The following TBC1D19 variants were observed in gnomAD, a reference collection of about 807,000 sequenced individuals.
TBC1D19 encodes the protein TBC1 domain family member 19, also known as TBC1 domain family, member 19.
TBC1D19 carries 60 observed loss-of-function variants against 89.0 expected under a neutral mutation model. That is an observed-to-expected ratio of 0.67 (90% CI 0.55 to 0.84). The LOEUF is 0.84. Among genes scored for constraint, TBC1D19 ranks in the 40% least tolerant of loss-of-function variants. The probability of loss-of-function intolerance (pLI) is 0.00; values close to 1 mark genes in which losing one functional copy is unlikely to be tolerated. For missense variants in TBC1D19, 500 were observed against 610.8 expected, an observed-to-expected ratio of 0.82 and a Z score of 1.91; for synonymous variants, 189 against 199.7, an observed-to-expected ratio of 0.95 and a Z score of 0.45.
intron 13 of TBC1D19, among the ~76,000 whole-genome samples, chr4:26,714,642 T>C (rs1716463241): frequency 6.6e-6 from 1 of 152,100 alleles, no homozygotes; most frequent in South Asian, 2.1e-4. Flanking sequence ...TATCATATTA[T>C]AAATACAAAA....
the TBC1D19 span, among the ~76,000 whole-genome samples, chr4:26,814,099 C>T: frequency 1.3e-5 from 2 of 152,164 alleles, no homozygotes; most frequent in East Asian, 3.8e-4. Flanking sequence ...ACCTCGTAAG[C>T]AGCCCCTCCA....
chr4:26,725,487 C>G (rs1443837546), intron 15 of TBC1D19, among the ~76,000 whole-genome samples: 1 of 152,084 alleles, frequency 6.6e-6, no homozygotes, highest in African/African-American at 2.4e-5. Flanking sequence ...TAATGAACTA[C>G]TGCAGCCTCG....
intron 15 of TBC1D19, among the ~76,000 whole-genome samples, chr4:26,724,443 G>A (rs1012561584): frequency 6.6e-6 from 1 of 152,074 alleles, no homozygotes; most frequent in African/African-American, 2.4e-5. Context: ...ATTCATTGTT[G>A]TTGCTTGTTG....
At chr4:26,753,997 T>A (rs1350593330) in intron 20 of TBC1D19, 107 bp downstream of exon 20, 2 of 1,187,838 alleles carry the variant, frequency 1.7e-6, no homozygotes, top group African/African-American at 3.0e-5. Flanking sequence ...TAGCCAGGTT[T>A]TTTAACTCGG....
chr4:26,584,440 A>AAAAC (rs773861263), intron 1 of TBC1D19, 148 bp downstream of exon 1: 14 of 703,818 alleles, frequency 2.0e-5, no homozygotes, highest in Non-Finnish European at 2.3e-5. Context: ...AACAAAAACA[A>AAAAC]AAACAAAAAC....
In TBC1D19 at chr4:26,659,599, A is replaced by G. The variant is rs1745090836; in HGVS notation, c.483A>G (p.Val161=). 2.5e-6 allele frequency: 4 copies of G among 1,577,788 alleles called. No homozygotes were observed. Among genetic ancestry groups the G allele is most frequent in the Non-Finnish European group, 3.5e-6 (4 of 1,153,216 alleles). Residue 161 remains valine, a splice_region_variant and synonymous_variant, in exon 8 of 21, where the codon GTA becomes GTG. Transcript: ENST00000264866. ...TTTTGTTGGATTTGTTTTTAAAGGT[A>G]TTAATTAATCTTCGCAACCCAAATT... ...PVYAPKDFLE[V]LINLRNPNYE... is the part of the protein sequence containing the mutation.
rs747239121 is a variant in TBC1D19, at chr4:26,717,953, G to A, written c.975G>A (p.Arg325=). The change falls in exon 14 of 21, where the codon CGG becomes CGA. Residue 325 remains arginine, a synonymous_variant. Transcript: ENST00000264866. Reference sequence around the variant, plus strand: ...TTCAGGTATTACTTTGTTTTTCCCGGGATACATCTGTGTTGAGTCACTTTG... The same window carrying A: ...TTCAGGTATTACTTTGTTTTTCCCGAGATACATCTGTGTTGAGTCACTTTG... ...YLYQVLLCFS[R]DTSVLSHFAF... 6.2e-6 allele frequency: 10 copies of A among 1,611,192 alleles called. No individual in the cohort carries two copies. In the South Asian group the frequency reaches 8.8e-5, roughly 14 times the overall value.
intron 4 of TBC1D19, among the ~76,000 whole-genome samples, chr4:26,628,472 C>A (rs1742578283): frequency 6.6e-6 from 1 of 152,000 alleles, no homozygotes; most frequent in Non-Finnish European, 1.5e-5. Flanking sequence ...CCTCTCTCAC[C>A]ACTTCTATTC....
At chr4:26,803,407 T>C in the TBC1D19 span, among the ~76,000 whole-genome samples, 3 of 152,148 alleles carry the variant, frequency 2.0e-5, no homozygotes, top group Non-Finnish European at 4.4e-5. Context: ...GACTTTCCCA[T>C]GGCTTGAATC....
chr4:26,739,130 G>A (rs1718204069), intron 16 of TBC1D19, among the ~76,000 whole-genome samples: 1 of 152,090 alleles, frequency 6.6e-6, no homozygotes, highest in Non-Finnish European at 1.5e-5. Context: ...TGTCAGTGTA[G>A]AATAATCACA....
At chr4:26,783,811 T>C in the TBC1D19 span, among the ~76,000 whole-genome samples, 2 of 152,198 alleles carry the variant, frequency 1.3e-5, no homozygotes, top group African/African-American at 4.8e-5. Flanking sequence ...GTGCTGCTCA[T>C]AATTCCCCTA....
chr4:26,807,344 A>G, the TBC1D19 span, among the ~76,000 whole-genome samples: 1 of 152,268 alleles, frequency 6.6e-6, no homozygotes, highest in Non-Finnish European at 1.5e-5. Flanking sequence ...GGCCTTTCAC[A>G]ATGAAAGCCG....
intron 11 of TBC1D19, 137 bp downstream of exon 11, chr4:26,674,025 G>A: frequency 1.9e-6 from 1 of 515,464 alleles, no homozygotes; most frequent in Non-Finnish European, 3.5e-6. Context: ...AATCACTATA[G>A]TTTTAGGTTC....
chr4:26,800,267 G>C, the TBC1D19 span, among the ~76,000 whole-genome samples: 2 of 152,032 alleles, frequency 1.3e-5, no homozygotes, highest in African/African-American at 4.8e-5. Flanking sequence ...TTGGTTTTTT[G>C]TCCTTGCGAT....
intron 13 of TBC1D19, among the ~76,000 whole-genome samples, chr4:26,693,160 ATTGAAG>A (rs1452514041): frequency 6.6e-6 from 1 of 151,380 alleles, no homozygotes; most frequent in Non-Finnish European, 1.5e-5. Flanking sequence ...AGCCAGTGTC[ATTGAAG>A]GATGATTGTG....
the TBC1D19 span, among the ~76,000 whole-genome samples, chr4:26,769,472 A>G: frequency 1.3e-5 from 2 of 152,216 alleles, no homozygotes; most frequent in East Asian, 3.8e-4. Context: ...AGATTTATAT[A>G]GAAGTACAAG....
the TBC1D19 span, among the ~76,000 whole-genome samples, chr4:26,846,000 TATA>T: frequency 6.6e-6 from 1 of 152,232 alleles, no homozygotes; most frequent in South Asian, 2.1e-4. Flanking sequence ...AGTGGAATCA[TATA>T]ATATTTATCC....
intron 4 of TBC1D19, among the ~76,000 whole-genome samples, chr4:26,633,956 T>A (rs1160466913): frequency 6.6e-6 from 1 of 152,072 alleles, no homozygotes; most frequent in Non-Finnish European, 1.5e-5. Context: ...CTTTAAATTG[T>A]CATGTAATGA....
intron 3 of TBC1D19, among the ~76,000 whole-genome samples, chr4:26,618,231 A>T (rs951590575): frequency 6.6e-6 from 1 of 152,222 alleles, no homozygotes; most frequent in African/African-American, 2.4e-5. Flanking sequence ...ATTACAGTAC[A>T]GTAAAATAAG....
Sources: allele counts gnomAD v4.1 joint callset (sites outside exome capture counted in the v4.1 genomes callset), GRCh38; gene constraint gnomAD v4.1.1; transcripts MANE v1.5; gene names NCBI Gene and HGNC (gene_info 2026-07-23, HGNC 2026-07-21).